CLDN10: variants seen among roughly 807,000 people sequenced by gnomAD.
CLDN10 encodes the protein claudin 10.
In CLDN10, 15 loss-of-function variants were observed where a neutral mutation model predicts 22.9. The observed-to-expected ratio is 0.65, with a 90% confidence interval of 0.44 to 1.01. The LOEUF (loss-of-function observed/expected upper bound fraction) is 1.01, where lower values mean the gene tolerates loss of function less well. Ranked by LOEUF, CLDN10 falls within the 50% of genes least tolerant of loss-of-function variation. The pLI is 0.00. For synonymous variants in CLDN10, 114 were observed against 111.4 expected, an observed-to-expected ratio of 1.02 and a Z score of -0.15; for missense variants, 247 against 287.8, an observed-to-expected ratio of 0.86 and a Z score of 1.03.
intron 3 of CLDN10, among the ~76,000 whole-genome samples, chr13:95,572,820 C>G (rs888005564): frequency 2.0e-5 from 3 of 152,218 alleles, no homozygotes; most frequent in Non-Finnish European, 4.4e-5. Context: ...CCTGGCATGT[C>G]ATTTCTGTGT....
At chr13:95,439,724 T>A in intron 1 of CLDN10, among the ~76,000 whole-genome samples, 1 of 152,030 alleles carries the variant, frequency 6.6e-6, no homozygotes, top group East Asian at 1.9e-4. Flanking sequence ...CACCTACTAA[T>A]ACCATTATTT....
At chr13:95,454,994 C>G (rs2042468424) in intron 1 of CLDN10, among the ~76,000 whole-genome samples, 1 of 152,042 alleles carries the variant, frequency 6.6e-6, no homozygotes, top group Non-Finnish European at 1.5e-5. Context: ...GGAGACCAGC[C>G]TGGGCAACGT....
intron 1 of CLDN10, among the ~76,000 whole-genome samples, chr13:95,466,367 C>T (rs1320384153): frequency 1.3e-5 from 2 of 151,756 alleles, no homozygotes; most frequent in African/African-American, 2.4e-5. Flanking sequence ...TTTTTGGAAG[C>T]GCTTGTCTGA....
intron 1 of CLDN10, among the ~76,000 whole-genome samples, chr13:95,441,234 G>A: frequency 6.6e-6 from 1 of 152,214 alleles, no homozygotes; most frequent in East Asian, 1.9e-4. Context: ...ACAAGTAAAA[G>A]AGCCATGGAT....
At chr13:95,496,723 C>A (rs1027071770) in intron 1 of CLDN10, among the ~76,000 whole-genome samples, 1 of 152,206 alleles carries the variant, frequency 6.6e-6, no homozygotes, top group South Asian at 2.1e-4. Flanking sequence ...ACCACGGGGG[C>A]CCCACCCTCA....
At chr13:95,486,335 C>T (rs2042802891) in intron 1 of CLDN10, among the ~76,000 whole-genome samples, 3 of 152,006 alleles carry the variant, frequency 2.0e-5, no homozygotes, top group Non-Finnish European at 4.4e-5. Context: ...CCAGCCTGGC[C>T]AACATGGCAA....
intron 3 of CLDN10, among the ~76,000 whole-genome samples, chr13:95,565,424 A>G (rs1000279370): frequency 5.3e-5 from 8 of 152,106 alleles, no homozygotes; most frequent in Non-Finnish European, 8.8e-5. Flanking sequence ...TGTATATGAC[A>G]TTTACCGTTA....
intron 1 of CLDN10, among the ~76,000 whole-genome samples, chr13:95,499,805 G>GA (rs1196706782): frequency 1.3e-5 from 2 of 152,148 alleles, no homozygotes; most frequent in African/African-American, 4.8e-5. Context: ...TTTAGCACTA[G>GA]AAAAAAGTTC....
chr13:95,461,272 T>G (rs960492660), intron 1 of CLDN10, among the ~76,000 whole-genome samples: 5 of 152,208 alleles, frequency 3.3e-5, no homozygotes, highest in Non-Finnish European at 5.9e-5. Context: ...TAAATAATAG[T>G]GTGACCTTGA....
rs150529271 is a variant in CLDN10, at chr13:95,565,235, G to A, written c.464+4772G>A. Among the ~76,000 whole-genome samples, 300 of 151,708 alleles carry A rather than the reference G, an allele frequency of 2.0e-3. 3 individuals are homozygous for A. Among genetic ancestry groups the A allele is most frequent in the African/African-American group, 7.0e-3 (288 of 41,382 alleles). ...ATTACGTTATTCCCACCATTGTTTT[G>A]TTATCCAAACCACTAACTTTCTGAA... On this transcript the variant is annotated intron_variant, in intron 3 of 4. Coordinates refer to ENST00000299339, the MANE Select transcript of CLDN10 (RefSeq NM_006984.5).
chr13:95,490,252 A>G (rs2138514331), intron 1 of CLDN10, among the ~76,000 whole-genome samples: 1 of 152,126 alleles, frequency 6.6e-6, no homozygotes, highest in Admixed American at 6.5e-5. Context: ...CAACTCTGTG[A>G]AGAACGATGG....
chr13:95,484,280 A>G (rs1425597501), intron 1 of CLDN10, among the ~76,000 whole-genome samples: 1 of 152,108 alleles, frequency 6.6e-6, no homozygotes, highest in East Asian at 1.9e-4. Context: ...GATGTCCTTC[A>G]CTGTCCTTTC....
intron 2 of CLDN10, 24 bp from the exon 3 acceptor site, chr13:95,560,358 T>C (rs542466700): frequency 1.2e-6 from 2 of 1,613,388 alleles, no homozygotes; most frequent in African/African-American, 2.7e-5. Flanking sequence ...CTAACCATAG[T>C]GCTTTCCCTC....
intron 1 of CLDN10, among the ~76,000 whole-genome samples, chr13:95,538,019 C>T (rs968101168): frequency 3.9e-5 from 6 of 152,118 alleles, no homozygotes; most frequent in Admixed American, 6.6e-5. Flanking sequence ...TTTTTATGCA[C>T]CAGTCTAAAA....
At chr13:95,469,294 T>G (rs1252605922) in intron 1 of CLDN10, among the ~76,000 whole-genome samples, 1 of 152,236 alleles carries the variant, frequency 6.6e-6, no homozygotes, top group Non-Finnish European at 1.5e-5. Context: ...ATCTGAGTGA[T>G]GTAGCCAACT....
At chr13:95,485,877 C>T (rs1023667804) in intron 1 of CLDN10, among the ~76,000 whole-genome samples, 1 of 152,164 alleles carries the variant, frequency 6.6e-6, no homozygotes, top group Non-Finnish European at 1.5e-5. Flanking sequence ...TTGTAGTTCT[C>T]AGAATAATGC....
chr13:95,493,000 T>G (rs778471081), intron 1 of CLDN10, among the ~76,000 whole-genome samples: 5 of 152,194 alleles, frequency 3.3e-5, no homozygotes, highest in Non-Finnish European at 7.3e-5. Flanking sequence ...ACTTCCGCAG[T>G]TGGGGCACTC....
intron 1 of CLDN10, among the ~76,000 whole-genome samples, chr13:95,448,834 G>T (rs193158170): frequency 6.6e-6 from 1 of 151,838 alleles, no homozygotes; most frequent in Non-Finnish European, 1.5e-5. Flanking sequence ...CCACCTCCCA[G>T]GTTCAAGTGA....
At chr13:95,510,162 C>G (rs1016811887) in intron 1 of CLDN10, among the ~76,000 whole-genome samples, 75 of 152,226 alleles carry the variant, frequency 4.9e-4, no homozygotes, top group African/African-American at 1.8e-3. Context: ...TGTTCCTTCC[C>G]TTTCCCCAGA....
Sources: allele counts gnomAD v4.1 joint callset (sites outside exome capture counted in the v4.1 genomes callset), GRCh38; gene constraint gnomAD v4.1.1; transcripts MANE v1.5; gene names NCBI Gene and HGNC (gene_info 2026-07-23, HGNC 2026-07-21).